Variants in ATP2B2 observed in about 807,000 individuals in gnomAD.
ATP2B2 encodes ATPase plasma membrane Ca2+ transporting 2.
In ATP2B2, 15 loss-of-function variants were observed where a neutral mutation model predicts 120.0. The ratio of observed to expected loss-of-function variants is 0.12; its 90% CI spans 0.08 to 0.19. ATP2B2 has a LOEUF of 0.19. Among genes scored for constraint, ATP2B2 ranks in the 10% least tolerant of loss-of-function variants. The pLI, the probability that ATP2B2 is intolerant of heterozygous loss-of-function variation, is 1.00. For missense variants in ATP2B2, 1,045 were observed against 1,719.8 expected, an observed-to-expected ratio of 0.61 and a Z score of 6.94; for synonymous variants, 694 against 700.3, an observed-to-expected ratio of 0.99 and a Z score of 0.14.
chr3:10,628,105 G>A (rs2069757166), intron 1 of ATP2B2, among the ~76,000 whole-genome samples: 1 of 152,238 alleles, frequency 6.6e-6, no homozygotes, highest in African/African-American at 2.4e-5. Flanking sequence ...TGTGGCTGGA[G>A]CAGGGGGCGG....
At chr3:10,471,063 T>C (rs1338388419) in intron 1 of ATP2B2, among the ~76,000 whole-genome samples, 1 of 152,174 alleles carries the variant, frequency 6.6e-6, no homozygotes, top group East Asian at 1.9e-4. Context: ...CTGCTATTTA[T>C]AATTCTGCTG....
intron 1 of ATP2B2, among the ~76,000 whole-genome samples, chr3:10,697,005 G>T (rs538537838): frequency 7.0e-4 from 106 of 152,256 alleles, no homozygotes; most frequent in African/African-American, 2.3e-3. Context: ...TCATTTTACA[G>T]ATGGAAAATT....
intron 8 of ATP2B2, 127 bp from the exon 9 acceptor site, chr3:10,379,411 C>T (rs2125539655): frequency 9.3e-7 from 1 of 1,080,130 alleles, no homozygotes; most frequent in Non-Finnish European, 1.4e-6. Flanking sequence ...CTGCATCCCT[C>T]TGTGTGGGGA....
intron 1 of ATP2B2, among the ~76,000 whole-genome samples, chr3:10,684,813 T>C (rs937419834): frequency 6.6e-6 from 1 of 152,192 alleles, no homozygotes; most frequent in African/African-American, 2.4e-5. Flanking sequence ...GGCAACAAGT[T>C]CCAAGGGTGA....
At chr3:10,611,411 A>G (rs2069234666) in intron 2 of ATP2B2, among the ~76,000 whole-genome samples, 1 of 152,006 alleles carries the variant, frequency 6.6e-6, no homozygotes, top group Non-Finnish European at 1.5e-5. Context: ...AAGGTCAGGG[A>G]TACATCGGTG....
rs781497479 is a variant in ATP2B2, at chr3:10,345,346, C to T, written c.2703+38G>A. On this transcript the variant is annotated intron_variant, in intron 18 of 22. Transcript: ENST00000360273. ...CCGAGCCTCTGTGGGGGGTCTCCGCCCTCCCCCAGGCTTTGGTGTGGTCTC... is the reference window on the plus strand; with the variant it reads ...CCGAGCCTCTGTGGGGGGTCTCCGCTCTCCCCCAGGCTTTGGTGTGGTCTC... 4 of 1,611,388 alleles carry T rather than the reference C, an allele frequency of 2.5e-6. No individual in the cohort carries two copies. The South Asian group carries it at 3.3e-5, about 13-fold the overall frequency.
chr3:10,366,157 G>A (rs903923314), intron 12 of ATP2B2, among the ~76,000 whole-genome samples: 1 of 152,094 alleles, frequency 6.6e-6, no homozygotes, highest in African/African-American at 2.4e-5. Context: ...CTGGCTTAGG[G>A]GGACTTTGAG....
At chr3:10,694,274 A>AC (rs1220385743) in intron 1 of ATP2B2, among the ~76,000 whole-genome samples, 1 of 152,198 alleles carries the variant, frequency 6.6e-6, no homozygotes, top group Non-Finnish European at 1.5e-5. Flanking sequence ...ACTCAACTGG[A>AC]CCATCACCAC....
intron 2 of ATP2B2, among the ~76,000 whole-genome samples, chr3:10,545,083 A>G (rs2125501642): frequency 6.6e-6 from 1 of 152,362 alleles, no homozygotes; most frequent in Middle Eastern, 3.4e-3. Context: ...CAGGAACCAC[A>G]GGGAGGAGTC....
chr3:10,532,055 A>G (rs4234499), intron 3 of ATP2B2, among the ~76,000 whole-genome samples: 78,104 of 140,608 alleles, frequency 0.56, 20,508 homozygotes, highest in East Asian at 0.7. Context: ...TCACCCCCCC[A>G]TCCTCTCCTG....
upstream of ATP2B2, among the ~76,000 whole-genome samples, chr3:10,506,951 G>A (rs1038746553): frequency 6.6e-5 from 10 of 152,208 alleles, no homozygotes; most frequent in Admixed American, 3.3e-4. Context: ...CGTGCAGAGG[G>A]GCCACGGGAG....
intron 1 of ATP2B2, among the ~76,000 whole-genome samples, chr3:10,483,770 C>T (rs1026129748): frequency 2.0e-5 from 3 of 152,186 alleles, no homozygotes; most frequent in African/African-American, 4.8e-5. Flanking sequence ...CCTCCAAACG[C>T]CTTCCGGAAA....
At chr3:10,382,513 AT>A (rs35821909) in intron 8 of ATP2B2, among the ~76,000 whole-genome samples, 27,539 of 141,042 alleles carry the variant, frequency 0.2, 2,836 homozygotes, top group East Asian at 0.36. Flanking sequence ...TGACCGGCTA[AT>A]TTTTTTTTTT....
intron 2 of ATP2B2, among the ~76,000 whole-genome samples, chr3:10,596,224 G>A (rs1319725815): frequency 1.3e-5 from 2 of 152,114 alleles, no homozygotes; most frequent in African/African-American, 4.8e-5. Context: ...TGGCTTCCAG[G>A]TCGAGGTGGG....
chr3:10,449,272 A>C, intron 2 of ATP2B2, 73 bp downstream of exon 2: 1 of 1,517,962 alleles, frequency 6.6e-7, no homozygotes, highest in Non-Finnish European at 9.1e-7. Context: ...CATATTATGA[A>C]TATGGTCCCT....
At chr3:10,355,022 G>A (rs182973263) in intron 14 of ATP2B2, among the ~76,000 whole-genome samples, 1 of 152,194 alleles carries the variant, frequency 6.6e-6, no homozygotes, top group Non-Finnish European at 1.5e-5. Flanking sequence ...TCTGGGGATA[G>A]TGGTTACCTC....
At chr3:10,592,395 C>G (rs1194552780) in intron 2 of ATP2B2, among the ~76,000 whole-genome samples, 1 of 152,216 alleles carries the variant, frequency 6.6e-6, no homozygotes. Flanking sequence ...AGAGGCCAAG[C>G]CTGGGGGACT....
At chr3:10,651,263 G>A (rs2070453478) in intron 1 of ATP2B2, among the ~76,000 whole-genome samples, 1 of 152,200 alleles carries the variant, frequency 6.6e-6, no homozygotes, top group Non-Finnish European at 1.5e-5. Context: ...TGGAATGATA[G>A]GGTTTGGCTG....
chr3:10,693,381 G>T (rs186866342), intron 1 of ATP2B2, among the ~76,000 whole-genome samples: 17 of 152,334 alleles, frequency 1.1e-4, no homozygotes, highest in Admixed American at 1.0e-3. Flanking sequence ...ATATGTGAGT[G>T]CCTCCTATGT....
Sources: gnomAD v4.1 joint callset for allele counts (sites outside exome capture counted in the v4.1 genomes callset) on GRCh38, gnomAD v4.1.1 for gene constraint, MANE v1.5 for transcripts, NCBI Gene and HGNC (gene_info 2026-07-23, HGNC 2026-07-21) for gene names.